GPR143: variants seen among roughly 807,000 people sequenced by gnomAD.
GPR143 encodes G protein-coupled receptor 143.
A neutral mutation model predicts 27.6 loss-of-function variants in GPR143; 8 were observed. The observed-to-expected ratio is 0.29, with a 90% CI of 0.17 to 0.52. The LOEUF is 0.52. GPR143 is among the 20% of genes least tolerant of loss of function. The pLI, the probability that GPR143 is intolerant of heterozygous loss-of-function variation, is 0.96. For synonymous variants in GPR143, 156 were observed against 153.2 expected, an observed-to-expected ratio of 1.02 and a Z score of -0.13; for missense variants, 303 against 343.1, an observed-to-expected ratio of 0.88 and a Z score of 0.92.
chrX:9,775,201 T>A (rs2083567365), intron 1 of GPR143, among the ~76,000 whole-genome samples: 1 of 112,016 alleles, frequency 8.9e-6, no homozygotes, highest in African/African-American at 3.2e-5. Flanking sequence ...CTGTGGTGGT[T>A]GTTCGGTATT....
chrX:9,746,104 G>C lies in GPR143; in HGVS notation c.598C>G (p.Leu200Val). The C allele has an allele frequency of 8.3e-7, 1 of 1,204,718 alleles. No homozygotes were observed. The highest frequency in any genetic ancestry group is 1.1e-6 in the Non-Finnish European group (1 of 888,945). The change falls in exon 5 of 9, where the codon CTG becomes GTG. Residue 200 changes from leucine to valine, a missense_variant. By Grantham distance (32) the Leu-to-Val change is conservative. Transcript: ENST00000467482. ...HAIPHYVTMY[L>V]PLLLVLVANP... Reference sequence around the variant, plus strand: ...GCCACGAGAACCAGCAGCAGGGGCAGGTACATGGTGACATAGTGGGGGATG... The same window carrying C: ...GCCACGAGAACCAGCAGCAGGGGCACGTACATGGTGACATAGTGGGGGATG...
chrX:9,745,105 A>G (rs1215099341), intron 5 of GPR143, among the ~76,000 whole-genome samples: 1 of 111,738 alleles, frequency 8.9e-6, no homozygotes, highest in Non-Finnish European at 1.9e-5. Context: ...TACAAAAAAA[A>G]GTAGCCGGGC....
chrX:9,762,211 G>A (rs915371070), intron 1 of GPR143, among the ~76,000 whole-genome samples: 16 of 111,103 alleles, frequency 1.4e-4, no homozygotes, highest in African/African-American at 5.2e-4. Flanking sequence ...CCAACATGGG[G>A]AAACCACATC....
chrX:9,748,961 A>G (rs1412364213), intron 3 of GPR143, among the ~76,000 whole-genome samples: 2 of 112,509 alleles, frequency 1.8e-5, no homozygotes, highest in Non-Finnish European at 3.8e-5. Flanking sequence ...TCATTCCAAA[A>G]GGAGACCCCA....
intron 7 of GPR143, chrX:9,740,752 TC>T (rs1473676165): frequency 1.4e-5 from 4 of 279,508 alleles, no homozygotes; most frequent in African/African-American, 3.1e-5. Flanking sequence ...TTTCTTTCTT[TC>T]TTTTTTTTTT....
intron 1 of GPR143, among the ~76,000 whole-genome samples, chrX:9,776,549 C>CTTTTTTT (rs145411367): frequency 1.4e-5 from 1 of 71,606 alleles, no homozygotes; most frequent in Non-Finnish European, 2.5e-5. Flanking sequence ...CCATGCCTAG[C>CTTTTTTT]TTTTTTTTTT....
At chrX:9,729,683 A>G (rs1311653315) in intron 8 of GPR143, among the ~76,000 whole-genome samples, 2 of 112,050 alleles carry the variant, frequency 1.8e-5, no homozygotes, top group Non-Finnish European at 3.8e-5. Flanking sequence ...CTGTTGGAAG[A>G]TGTTGACTAA....
chrX:9,760,252 G>A (rs971668569), intron 2 of GPR143, among the ~76,000 whole-genome samples: 1 of 110,454 alleles, frequency 9.1e-6, no homozygotes, highest in Non-Finnish European at 1.9e-5. Flanking sequence ...CCACCACGCC[G>A]AGCTAATTTT....
intron 8 of GPR143, among the ~76,000 whole-genome samples, chrX:9,735,332 C>T (rs752261583): frequency 1.4e-4 from 16 of 111,390 alleles, no homozygotes; most frequent in Non-Finnish European, 3.0e-4. Context: ...TCCCCCAACG[C>T]CTCCATACCA....
chrX:9,761,012 G>T (rs2083496933), intron 1 of GPR143, among the ~76,000 whole-genome samples, 186 bp from the exon 2 acceptor site: 1 of 110,087 alleles, frequency 9.1e-6, no homozygotes, highest in Admixed American at 9.8e-5. Context: ...AAGAAAGGAA[G>T]AAAAAACATA....
intron 1 of GPR143, among the ~76,000 whole-genome samples, chrX:9,776,222 A>C (rs2083570452): frequency 8.9e-6 from 1 of 112,083 alleles, no homozygotes; most frequent in South Asian, 3.7e-4. Context: ...GGAGCATGCA[A>C]AGGCACTAAC....
intron 4 of GPR143, among the ~76,000 whole-genome samples, chrX:9,746,406 C>G: frequency 9.0e-6 from 1 of 110,849 alleles, no homozygotes; most frequent in Non-Finnish European, 1.9e-5. Flanking sequence ...CTGGAGGAAG[C>G]TTTTAAAGGT....
Position 9,765,801 on chromosome X carries a change from A to G in GPR143, c.17T>C (p.Leu6Pro). The G allele has an allele frequency of 9.0e-7, 1 of 1,116,103 alleles. No homozygotes were observed. The highest frequency in any genetic ancestry group is 1.2e-6 in the Non-Finnish European group (1 of 852,149). 92.0% of individuals were successfully genotyped at this position (1,116,103 alleles called of 1,213,427 possible). A position where few individuals can be genotyped will look rare whatever the true frequency, so the allele number is the denominator to read the frequency against. ...CCGCGTGGGGCAGCAGAAGGTCCCT[A>G]GGCGCGGGGAGGCCATGGGCTGTGT... Reference protein sequence around the residue: MASPRLGTFCCPTRDA... With the variant: MASPRPGTFCCPTRDA... Residue 6 changes from leucine to proline, a missense_variant, in exon 1 of 9, where the codon CTA becomes CCA. By Grantham distance (98) the Leu-to-Pro change is moderately conservative. Transcript: ENST00000467482.
chrX:9,741,099 T>C (rs1904389174), intron 7 of GPR143: 5 of 290,022 alleles, frequency 1.7e-5, no homozygotes, highest in Non-Finnish European at 2.4e-5. Context: ...AAGTGTTAAA[T>C]ATAGATAATT....
In GPR143 at chrX:9,730,785, A is replaced by C. The variant is rs73632614; in HGVS notation, c.1121-4945T>G. 7.8e-3 allele frequency among the ~76,000 whole-genome samples: 878 copies of C among 112,200 alleles called. 8 individuals carry two copies. The highest frequency in any genetic ancestry group is 0.023 in the African/African-American group (716 of 30,876). The stretch of plus-strand genomic sequence containing the variant: ...AAAGAAGCAGCCTTGAAAGGCAGCC[A>C]CTGAGTGCCCCAAAGGCTCTTGTTT... On this transcript the variant is annotated intron_variant, in intron 8 of 8. Transcript: ENST00000467482.
upstream of GPR143, among the ~76,000 whole-genome samples, chrX:9,770,039 A>AGTGGCTTATGTCTGTAATCC (rs903421256): frequency 9.3e-6 from 1 of 107,583 alleles, no homozygotes; most frequent in Admixed American, 1.0e-4. Flanking sequence ...GGCCAGGTGC[A>AGTGGCTTATGTCTGTAATCC]GTGGCTTATG....
intron 1 of GPR143, among the ~76,000 whole-genome samples, chrX:9,778,524 A>T (rs899433080): frequency 1.7e-4 from 19 of 109,873 alleles, no homozygotes; most frequent in African/African-American, 6.0e-4. Flanking sequence ...GTACATTGGC[A>T]CTGAGTAACT....
chrX:9,756,591 A>G (rs914572950), intron 3 of GPR143, among the ~76,000 whole-genome samples: 6 of 112,538 alleles, frequency 5.3e-5, no homozygotes, highest in Non-Finnish European at 9.4e-5. Flanking sequence ...AGGTGAATAG[A>G]TATTTCTCTA....
intron 3 of GPR143, among the ~76,000 whole-genome samples, chrX:9,751,814 C>T (rs979609656): frequency 8.9e-6 from 1 of 112,859 alleles, no homozygotes; most frequent in Non-Finnish European, 1.9e-5. Context: ...GTTGTATCAG[C>T]GCAGTATGTC....
Sources: gnomAD v4.1 joint callset for allele counts (sites outside exome capture counted in the v4.1 genomes callset) on GRCh38, gnomAD v4.1.1 for gene constraint, MANE v1.5 for transcripts, NCBI Gene and HGNC (gene_info 2026-07-23, HGNC 2026-07-21) for gene names.